Variants in PPIP5K1 observed in about 807,000 individuals in gnomAD.
PPIP5K1 encodes diphosphoinositol pentakisphosphate kinase 1.
In PPIP5K1, 6 loss-of-function variants were observed where a neutral mutation model predicts 27.7. The ratio of observed to expected loss-of-function variants is 0.22; its 90% CI spans 0.12 to 0.43. PPIP5K1 has a LOEUF of 0.43. Among genes scored for constraint, PPIP5K1 ranks in the 20% least tolerant of loss-of-function variants. The probability of loss-of-function intolerance (pLI) is 1.00; values close to 1 mark genes in which losing one functional copy is unlikely to be tolerated. For missense variants in PPIP5K1, 394 were observed against 635.4 expected, an observed-to-expected ratio of 0.62 and a Z score of 4.08; for synonymous variants, 145 against 242.6, an observed-to-expected ratio of 0.60 and a Z score of 3.74.
chr15:43,586,706 G>GATA (rs139100270), intron 1 of PPIP5K1, among the ~76,000 whole-genome samples: 1,798 of 96,476 alleles, frequency 0.019, 185 homozygotes, highest in East Asian at 0.039. Context: ...AAATAATGAT[G>GATA]ATAATAATAA....
intron 30 of PPIP5K1, among the ~76,000 whole-genome samples, chr15:43,544,161 G>C (rs1183206589): frequency 6.6e-6 from 1 of 151,962 alleles, no homozygotes; most frequent in Non-Finnish European, 1.5e-5. Context: ...ATTCCCTATT[G>C]TTAAATCTGA....
At chr15:43,547,570 G>A (rs2081534929) in intron 30 of PPIP5K1, among the ~76,000 whole-genome samples, 1 of 152,180 alleles carries the variant, frequency 6.6e-6, no homozygotes, top group Non-Finnish European at 1.5e-5. Flanking sequence ...CTTTTGCAAT[G>A]TGAATACCTA....
At position 43,534,964 on chromosome 15, in the gene PPIP5K1, G is replaced by A. The variant is rs368962860; in HGVS notation, c.4183C>T (p.Pro1395Ser). The A allele has an allele frequency of 6.2e-7, 1 of 1,614,132 alleles. No individual in the cohort carries two copies. Among genetic ancestry groups the A allele is most frequent in the Non-Finnish European group, 8.5e-7 (1 of 1,180,032 alleles). ...CLENSEEVSQ[P>S]CQGVSVEVGK... ...ACCTCCACAGAGACCCCCTGGCATG[G>A]CTGGCTGACCTCCTCGGAGTTCTCC... Residue 1395 changes from proline to serine, a missense_variant, in exon 32 of 32, where the codon CCA (proline) becomes TCA (serine). Transcript: ENST00000420765.
At chr15:43,559,191 T>C (rs571631634) in intron 29 of PPIP5K1, among the ~76,000 whole-genome samples, 31 of 152,262 alleles carry the variant, frequency 2.0e-4, no homozygotes, top group African/African-American at 7.5e-4. Context: ...TATGGAGAGC[T>C]TGCAATGTCT....
chr15:43,537,044 A>G (rs1394667506), intron 31 of PPIP5K1, among the ~76,000 whole-genome samples: 5 of 152,046 alleles, frequency 3.3e-5, no homozygotes, highest in South Asian at 4.2e-4. Flanking sequence ...TCTGTAAACA[A>G]TCAAAGGAGG....
At chr15:43,558,165 A>G (rs142825057) in intron 30 of PPIP5K1, among the ~76,000 whole-genome samples, 2 of 148,796 alleles carry the variant, frequency 1.3e-5, no homozygotes, top group African/African-American at 5.0e-5. Flanking sequence ...GGGCTCAAGC[A>G]GTTCTCCTAG....
intron 31 of PPIP5K1, 46 bp from the exon 32 acceptor site, chr15:43,535,522 A>T (rs531096460): frequency 7.1e-7 from 1 of 1,406,730 alleles, no homozygotes; most frequent in Admixed American, 2.2e-5. Context: ...CTGGAAGAGT[A>T]GGCTCTACCC....
At chr15:43,556,184 G>A (rs1464105450) in intron 30 of PPIP5K1, among the ~76,000 whole-genome samples, 2 of 152,072 alleles carry the variant, frequency 1.3e-5, no homozygotes, top group African/African-American at 4.8e-5. Context: ...GCTGTGCGTG[G>A]TGGTGCGCAC....
intron 30 of PPIP5K1, among the ~76,000 whole-genome samples, chr15:43,545,139 C>G (rs1241736032): frequency 6.6e-6 from 1 of 150,508 alleles, no homozygotes; most frequent in East Asian, 2.0e-4. Context: ...GATGGCACTA[C>G]TGCACTCTAG....
At chr15:43,561,691 TC>T (rs1217746020) in intron 28 of PPIP5K1, among the ~76,000 whole-genome samples, 1 of 39,506 alleles carries the variant, frequency 2.5e-5, no homozygotes, top group Admixed American at 2.9e-4. Flanking sequence ...CACAAGGTGA[TC>T]CCATGAGACT....
rs1201785462 is a variant in PPIP5K1, at chr15:43,534,178, C to T, written c.*496G>A. On this transcript the variant is annotated 3_prime_UTR_variant, in exon 32 of 32. Coordinates refer to ENST00000420765, the MANE Select transcript of PPIP5K1 (RefSeq NM_001394395.1). The stretch of plus-strand genomic sequence containing the variant: ...ACATTTCCCCAGAAAAGTGAAGACC[C>T]TAGAGTCCCCTCTTTTGCATTTGCT... 6.5e-6 allele frequency: 1 copy of T among 153,552 alleles called. No homozygotes were observed. Among genetic ancestry groups the T allele is most frequent in the Non-Finnish European group, 1.5e-5 (1 of 68,802 alleles). 9.5% of individuals were successfully genotyped at this position (153,552 alleles called of 1,614,324 possible).
At chr15:43,555,143 A>G (rs1442624670) in intron 30 of PPIP5K1, among the ~76,000 whole-genome samples, 4 of 151,834 alleles carry the variant, frequency 2.6e-5, no homozygotes, top group Non-Finnish European at 4.4e-5. Context: ...AGGCGTTAAA[A>G]GTATAAACTA....
chr15:43,555,298 C>A (rs2082790011), intron 30 of PPIP5K1, among the ~76,000 whole-genome samples: 1 of 152,012 alleles, frequency 6.6e-6, no homozygotes, highest in Admixed American at 6.6e-5. Flanking sequence ...TGTTTTGAGA[C>A]ACGGTCTCAG....
At chr15:43,548,248 G>C (rs190185602) in intron 30 of PPIP5K1, among the ~76,000 whole-genome samples, 2 of 151,634 alleles carry the variant, frequency 1.3e-5, no homozygotes, top group African/African-American at 4.8e-5. Flanking sequence ...ACAGGCACCC[G>C]CCACTGTGCC....
At chr15:43,580,315 G>A (rs375777382) in intron 10 of PPIP5K1, among the ~76,000 whole-genome samples, 63 of 56,890 alleles carry the variant, frequency 1.1e-3, no homozygotes, top group Middle Eastern at 5.3e-3. Flanking sequence ...TAAGCTAGGT[G>A]GTGAATACAT....
chr15:43,586,833 T>C (rs1355624313), intron 1 of PPIP5K1, among the ~76,000 whole-genome samples: 1 of 76,350 alleles, frequency 1.3e-5, no homozygotes, highest in Non-Finnish European at 2.9e-5. Flanking sequence ...CAGGCATCCA[T>C]ACAGTAGTCT....
chr15:43,557,914 C>A (rs1354435439), intron 30 of PPIP5K1, among the ~76,000 whole-genome samples: 1 of 150,372 alleles, frequency 6.7e-6, no homozygotes. Flanking sequence ...CAACAATCCT[C>A]CTGCCTCAGC....
intron 30 of PPIP5K1, among the ~76,000 whole-genome samples, chr15:43,550,504 T>C (rs187353204): frequency 2.3e-4 from 35 of 152,316 alleles, no homozygotes; most frequent in African/African-American, 7.9e-4. Context: ...TAATAGCCGC[T>C]TTTTTATTGT....
rs1187364597 is a variant in PPIP5K1 at position 43,558,657 on chromosome 15, A to G, written c.3556+138T>C. The G allele has an allele frequency of 2.4e-6, 3 of 1,234,466 alleles. No homozygotes were observed. The African/African-American group carries it at 4.5e-5, about 19-fold the overall frequency. The allele number at this position is 1,234,466 out of a possible 1,614,324, so 76.5% of individuals were successfully genotyped here. On this transcript the variant is annotated intron_variant, in intron 30 of 31. Transcript: ENST00000420765. ...CAGACATGAACCACTGCGCCCAGCCAGCAATTATACATTTTTAAGTGTACT... is the reference window on the plus strand; with the variant it reads ...CAGACATGAACCACTGCGCCCAGCCGGCAATTATACATTTTTAAGTGTACT...
Sources: allele counts gnomAD v4.1 joint callset (sites outside exome capture counted in the v4.1 genomes callset), GRCh38; gene constraint gnomAD v4.1.1; transcripts MANE v1.5; gene names NCBI Gene and HGNC (gene_info 2026-07-23, HGNC 2026-07-21).